Variants in SND1 observed in about 807,000 individuals in gnomAD.
The protein encoded by SND1 is staphylococcal nuclease domain-containing protein 1.
A neutral mutation model predicts 121.7 loss-of-function variants in SND1; 38 were observed. The ratio of observed to expected loss-of-function variants is 0.31; its 90% CI spans 0.24 to 0.41. The LOEUF is 0.41. Ranked by LOEUF, SND1 falls within the 10% of genes least tolerant of loss-of-function variation. The probability of loss-of-function intolerance (pLI) is 1.00; values close to 1 mark genes in which losing one functional copy is unlikely to be tolerated. For synonymous variants in SND1, 401 were observed against 447.4 expected (o/e 0.90, Z 1.31); for missense variants, 868 against 1,184.6 (o/e 0.73, Z 3.92).
At chr7:128,036,167 A>G (rs553917873) in intron 16 of SND1, among the ~76,000 whole-genome samples, 1 of 152,084 alleles carries the variant, frequency 6.6e-6, no homozygotes, top group Admixed American at 6.5e-5. Context: ...CTACATGGAA[A>G]TAGTCACTGC....
At chr7:127,685,491 T>C (rs936410390) in intron 1 of SND1, among the ~76,000 whole-genome samples, 90 of 152,368 alleles carry the variant, frequency 5.9e-4, no homozygotes, top group African/African-American at 1.9e-3. Flanking sequence ...GTTTGTTGTA[T>C]TGTGAGTCTC....
At chr7:128,040,175 C>G (rs1045678865) in intron 16 of SND1, among the ~76,000 whole-genome samples, 2 of 152,072 alleles carry the variant, frequency 1.3e-5, no homozygotes. Context: ...GGTCCTTCTC[C>G]AGCTTTGTCA....
intron 16 of SND1, among the ~76,000 whole-genome samples, chr7:128,039,550 T>G (rs1047329829): frequency 3.3e-5 from 5 of 152,174 alleles, no homozygotes; most frequent in Admixed American, 2.0e-4. Flanking sequence ...TGTCTCCAGT[T>G]CTCAATTTTT....
chr7:127,773,133 A>G (rs1428366860), intron 10 of SND1, among the ~76,000 whole-genome samples: 1 of 152,246 alleles, frequency 6.6e-6, no homozygotes, highest in Non-Finnish European at 1.5e-5. Flanking sequence ...AAGCATATAT[A>G]CAAAAGGACT....
intron 15 of SND1, among the ~76,000 whole-genome samples, chr7:127,956,581 C>G (rs1053170640): frequency 2.0e-5 from 3 of 152,232 alleles, no homozygotes; most frequent in African/African-American, 7.2e-5. Context: ...GATGGATGGC[C>G]TAGAGCTTCA....
intron 16 of SND1, among the ~76,000 whole-genome samples, chr7:128,001,455 C>T (rs1395689815): frequency 4.6e-5 from 7 of 152,200 alleles, no homozygotes; most frequent in South Asian, 2.1e-4. Flanking sequence ...TTAATATGAA[C>T]GCTATCCCTA....
chr7:127,998,933 G>A (rs1288478693), intron 16 of SND1: 1 of 152,298 alleles, frequency 6.6e-6, no homozygotes, highest in East Asian at 1.9e-4. Context: ...TCTCTGCAAA[G>A]CTGCTGGCTT....
intron 15 of SND1, among the ~76,000 whole-genome samples, chr7:127,956,499 T>C (rs1801596262): frequency 6.6e-6 from 1 of 152,088 alleles, no homozygotes; most frequent in African/African-American, 2.4e-5. Flanking sequence ...AAAGGTGAGG[T>C]GAGGTTACAG....
chr7:127,737,047 C>A (rs1228262674), intron 10 of SND1, among the ~76,000 whole-genome samples: 1 of 151,024 alleles, frequency 6.6e-6, no homozygotes, highest in Non-Finnish European at 1.5e-5. Flanking sequence ...ACAGTCACCC[C>A]CAAGTAAGTG....
intron 16 of SND1, among the ~76,000 whole-genome samples, chr7:128,023,440 C>A (rs1236507660): frequency 6.6e-6 from 1 of 152,146 alleles, no homozygotes; most frequent in Non-Finnish European, 1.5e-5. Context: ...TGGTAAAGGA[C>A]CTAGGCTTCC....
intron 10 of SND1, among the ~76,000 whole-genome samples, chr7:127,726,440 C>G (rs1294534881): frequency 2.0e-5 from 3 of 152,210 alleles, no homozygotes; most frequent in Admixed American, 6.5e-5. Flanking sequence ...TCTTGTGAAC[C>G]TGGCCATGTA....
chr7:128,006,508 T>TGG (rs775265572), intron 16 of SND1, among the ~76,000 whole-genome samples: 1 of 152,216 alleles, frequency 6.6e-6, no homozygotes, highest in Non-Finnish European at 1.5e-5. Context: ...ACTCACCTGG[T>TGG]GGGAGGACCA....
chr7:127,678,150 CTTGT>C (rs1478472026), intron 1 of SND1, among the ~76,000 whole-genome samples: 1 of 152,158 alleles, frequency 6.6e-6, no homozygotes, highest in Non-Finnish European at 1.5e-5. Context: ...CTCCCAAATG[CTTGT>C]TTGTATGTGT....
At chr7:127,831,732 G>GT (rs1181129749) in intron 11 of SND1, among the ~76,000 whole-genome samples, 4 of 152,106 alleles carry the variant, frequency 2.6e-5, no homozygotes, top group South Asian at 4.1e-4. Flanking sequence ...ACTTTTTTGT[G>GT]TTTTTTGCTG....
intron 12 of SND1, among the ~76,000 whole-genome samples, chr7:127,875,114 G>A (rs1387330193): frequency 1.3e-5 from 2 of 152,100 alleles, no homozygotes; most frequent in South Asian, 2.1e-4. Flanking sequence ...GCGTATGAAG[G>A]CATTTGGATT....
At chr7:127,877,542 A>G (rs1799714190) in intron 12 of SND1, among the ~76,000 whole-genome samples, 1 of 152,092 alleles carries the variant, frequency 6.6e-6, no homozygotes, top group African/African-American at 2.4e-5. Flanking sequence ...ACCTTGGAGC[A>G]GACCAGTAGC....
chr7:127,707,491 T>C (rs1796221329), intron 8 of SND1, 66 bp from the exon 9 acceptor site: 1 of 1,290,654 alleles, frequency 7.7e-7, no homozygotes, highest in Non-Finnish European at 1.1e-6. Context: ...CCAACTGTGC[T>C]CCCATGGTAG....
intron 9 of SND1, among the ~76,000 whole-genome samples, chr7:127,712,455 T>C (rs1158364933): frequency 2.0e-5 from 3 of 152,182 alleles, no homozygotes; most frequent in Non-Finnish European, 4.4e-5. Flanking sequence ...CCACCATGCC[T>C]GGCCAGGGTA....
rs150867795 is a variant in SND1 at position 127,933,066 on chromosome 7, C to T, written c.1669+3737C>T. Among the ~76,000 whole-genome samples the T allele has an allele frequency of 3.3e-3, 500 of 152,250 alleles. 17 individuals are homozygous for T. Among genetic ancestry groups the T allele is most frequent in the Admixed American group, 0.03 (466 of 15,290 alleles). The stretch of plus-strand genomic sequence containing the variant: ...TTATCCCAGAGGTGAAAAAGAGAAA[C>T]AGTATTATTCTTCCTGGGAAACATG... On this transcript the variant is annotated intron_variant, in intron 15 of 23. Transcript: ENST00000354725.
Sources: allele counts gnomAD v4.1 joint callset (sites outside exome capture counted in the v4.1 genomes callset), GRCh38; gene constraint gnomAD v4.1.1; transcripts MANE v1.5; gene names NCBI Gene and HGNC (gene_info 2026-07-23, HGNC 2026-07-21).